CCSER1: variants seen among roughly 807,000 people sequenced by gnomAD.
CCSER1 encodes serine-rich coiled-coil domain-containing protein 1.
A neutral mutation model predicts 82.0 loss-of-function variants in CCSER1; 41 were observed. The ratio of observed to expected loss-of-function variants is 0.50; its 90% CI spans 0.39 to 0.65. CCSER1 has a LOEUF of 0.65. Among genes scored for constraint, CCSER1 ranks in the 30% least tolerant of loss-of-function variants. The probability of loss-of-function intolerance (pLI) is 0.00; values close to 1 mark genes in which losing one functional copy is unlikely to be tolerated. For missense variants in CCSER1, 1,119 were observed against 1,064.2 expected, an observed-to-expected ratio of 1.05 and a Z score of -0.72; for synonymous variants, 414 against 383.9, an observed-to-expected ratio of 1.08 and a Z score of -0.92.
At chr4:91,305,511 T>A (rs867299973) in intron 10 of CCSER1, among the ~76,000 whole-genome samples, 24 of 152,236 alleles carry the variant, frequency 1.6e-4, no homozygotes, top group Middle Eastern at 6.8e-3. Context: ...CTATAAAATG[T>A]AATCAATATT....
intron 9 of CCSER1, among the ~76,000 whole-genome samples, chr4:90,927,430 A>G (rs1188197420): frequency 6.6e-6 from 1 of 152,004 alleles, no homozygotes; most frequent in Admixed American, 6.6e-5. Flanking sequence ...ATTATTAATT[A>G]CTGTTAGTTT....
chr4:90,194,336 T>C (rs1736204087), intron 1 of CCSER1, among the ~76,000 whole-genome samples: 1 of 152,072 alleles, frequency 6.6e-6, no homozygotes. Flanking sequence ...TTTGTTATAG[T>C]ATCTATCATA....
chr4:91,244,988 T>C (rs1045561492), intron 10 of CCSER1, among the ~76,000 whole-genome samples: 15 of 152,128 alleles, frequency 9.9e-5, no homozygotes, highest in African/African-American at 3.4e-4. Flanking sequence ...AAAATGCAAT[T>C]GGCATACTGA....
At chr4:90,898,753 T>C (rs1437344057) in intron 8 of CCSER1, among the ~76,000 whole-genome samples, 2 of 152,204 alleles carry the variant, frequency 1.3e-5, no homozygotes, top group African/African-American at 4.8e-5. Flanking sequence ...GATTAGTTCA[T>C]TGTAGATGTG....
intron 9 of CCSER1, among the ~76,000 whole-genome samples, chr4:91,061,145 A>G (rs1160794550): frequency 6.6e-6 from 1 of 152,080 alleles, no homozygotes; most frequent in African/African-American, 2.4e-5. Flanking sequence ...GTTGCTATAC[A>G]ATGACAAACA....
intron 10 of CCSER1, among the ~76,000 whole-genome samples, chr4:91,120,240 C>T (rs1380602563): frequency 6.6e-6 from 1 of 151,890 alleles, no homozygotes; most frequent in African/African-American, 2.4e-5. Context: ...AACTTTGAAA[C>T]ATGATACTTA....
At chr4:90,286,236 A>G (rs1303421754) in intron 1 of CCSER1, among the ~76,000 whole-genome samples, 1 of 152,038 alleles carries the variant, frequency 6.6e-6, no homozygotes, top group Admixed American at 6.6e-5. Context: ...AATGTTTGGT[A>G]GAAGTTAGCA....
chr4:90,484,152 C>A (rs1242782194), intron 5 of CCSER1, among the ~76,000 whole-genome samples: 1 of 152,146 alleles, frequency 6.6e-6, no homozygotes, highest in African/African-American at 2.4e-5. Context: ...CCCTTTCTTC[C>A]AGTTGATCGC....
At chr4:91,251,991 C>T (rs1002715055) in intron 10 of CCSER1, among the ~76,000 whole-genome samples, 3 of 152,018 alleles carry the variant, frequency 2.0e-5, no homozygotes, top group Admixed American at 6.6e-5. Context: ...CCAAGAAGCT[C>T]AATAAACTAC....
chr4:90,339,683 G>C (rs1283322215), intron 3 of CCSER1, among the ~76,000 whole-genome samples: 1 of 151,898 alleles, frequency 6.6e-6, no homozygotes, highest in Non-Finnish European at 1.5e-5. Flanking sequence ...CATTTTCTTT[G>C]GGTTTCTGCT....
At chr4:90,964,070 T>C (rs1734303669) in intron 9 of CCSER1, among the ~76,000 whole-genome samples, 1 of 152,182 alleles carries the variant, frequency 6.6e-6, no homozygotes, top group South Asian at 2.1e-4. Context: ...GAGAGCAAAT[T>C]ATATAAAATT....
chr4:90,318,439 A>G (rs1736551740), intron 3 of CCSER1, among the ~76,000 whole-genome samples: 4 of 152,122 alleles, frequency 2.6e-5, no homozygotes, highest in Non-Finnish European at 5.9e-5. Flanking sequence ...GGCCAATTTT[A>G]CTCTGACACA....
At chr4:91,230,037 T>C (rs892801703) in intron 10 of CCSER1, among the ~76,000 whole-genome samples, 5 of 152,086 alleles carry the variant, frequency 3.3e-5, no homozygotes, top group Non-Finnish European at 5.9e-5. Flanking sequence ...CAAATATTCA[T>C]TCGAGTACTA....
At chr4:91,177,131 G>T (rs1341359260) in intron 10 of CCSER1, among the ~76,000 whole-genome samples, 1 of 152,098 alleles carries the variant, frequency 6.6e-6, no homozygotes, top group Non-Finnish European at 1.5e-5. Context: ...TTATTGATTT[G>T]CATATGTTGA....
rs546445632 is a variant in CCSER1 at position 90,703,973 on chromosome 4, A to G, written c.1933-19941A>G. 1.2e-4 allele frequency among the ~76,000 whole-genome samples: 18 copies of G among 152,222 alleles called. 2 individuals carry two copies. The East Asian group carries it at 3.1e-3, about 26-fold the overall frequency. On this transcript the variant is annotated intron_variant, in intron 6 of 10. Transcript: ENST00000509176. ...CAATTGGAGCATTTAGCCCATTTCC[A>G]TTTAAGGTTAGTATTGTTATGTGTG...
intron 10 of CCSER1, among the ~76,000 whole-genome samples, chr4:91,456,556 CTTTT>C (rs150787098): frequency 2.0e-5 from 3 of 151,922 alleles, no homozygotes; most frequent in Non-Finnish European, 2.9e-5. Flanking sequence ...ATTCTGTTCT[CTTTT>C]TTTAAGTTTT....
intron 6 of CCSER1, chr4:90,649,437 T>C (rs1436154030): frequency 6.6e-6 from 1 of 152,122 alleles, no homozygotes; most frequent in African/African-American, 2.4e-5. Context: ...AAAGGTTAAA[T>C]GAGGTCACAA....
At chr4:90,918,431 A>G (rs184632534) in intron 8 of CCSER1, 32 of 359,082 alleles carry the variant, frequency 8.9e-5, no homozygotes, top group African/African-American at 6.8e-4. Flanking sequence ...AGTAAAAGAC[A>G]TTAGATATCC....
At chr4:91,521,348 A>C (rs532218683) in intron 10 of CCSER1, among the ~76,000 whole-genome samples, 1 of 152,198 alleles carries the variant, frequency 6.6e-6, no homozygotes, top group Non-Finnish European at 1.5e-5. Flanking sequence ...ATGCATGTGC[A>C]TGTGTCTTTA....
Sources: allele counts gnomAD v4.1 joint callset (sites outside exome capture counted in the v4.1 genomes callset), GRCh38; gene constraint gnomAD v4.1.1; transcripts MANE v1.5; gene names NCBI Gene and HGNC (gene_info 2026-07-23, HGNC 2026-07-21).